Variants in TAAR5 observed in about 807,000 individuals in gnomAD.
TAAR5 encodes the protein trace amine associated receptor 5.
In TAAR5, 27 loss-of-function variants were observed where a neutral mutation model predicts 21.1. That is an observed-to-expected ratio of 1.28 (90% CI 0.94 to 1.76). TAAR5 has a LOEUF of 1.76. Among genes scored for constraint, TAAR5 ranks in the 40% most tolerant of loss-of-function variants. The pLI is 0.00. For missense variants in TAAR5, 495 were observed against 405.6 expected (o/e 1.22, Z -1.89); for synonymous variants, 203 against 167.5 (o/e 1.21, Z -1.64).
the TAAR5 span, among the ~76,000 whole-genome samples, chr6:132,601,108 G>GGAGAGA: frequency 2.5e-5 from 1 of 40,040 alleles, no homozygotes; most frequent in African/African-American, 2.2e-4. Flanking sequence ...AAGGAGGGAA[G>GGAGAGA]AAGGGAAGGA....
At chr6:132,594,967 C>T in the TAAR5 span, 1 of 152,214 alleles carries the variant, frequency 6.6e-6, no homozygotes, top group African/African-American at 2.4e-5. Context: ...AATGGACCAA[C>T]TGATGAGTAG....
chr6:132,613,093 C>T, the TAAR5 span, among the ~76,000 whole-genome samples: 2 of 152,154 alleles, frequency 1.3e-5, no homozygotes, highest in African/African-American at 4.8e-5. Flanking sequence ...ACTTTCAGAA[C>T]TGGAGAAGTC....
In TAAR5 at chr6:132,588,698, C is replaced by A. The variant is rs145127866; in HGVS notation, c.989G>T (p.Arg330Leu). ...TCATTCTTGGTACAAATCAACAGTG[C>A]GTGTCTGCGGTGAGAAGACCTTCTG... ...LSQKVFSPQT[R>L]TVDLYQE The change falls in exon 1 of 1, where the codon CGC (arginine) becomes CTC (leucine). Residue 330 changes from arginine (R) to leucine (L), a missense_variant. Transcript: ENST00000258034. 1 of 1,613,040 alleles carries A rather than the reference C, an allele frequency of 6.2e-7. No homozygotes were observed.
At chr6:132,594,688 CT>C (rs778253149), upstream of TAAR5, 11 of 150,630 alleles carry the variant, frequency 7.3e-5, no homozygotes, top group East Asian at 2.0e-4. Flanking sequence ...TAGAGGATGC[CT>C]TTTTTTTTGC....
Position 132,589,539 on chromosome 6 carries a change from G to C in TAAR5, c.148C>G (p.Leu50Val). Residue 50 changes from leucine to valine, a missense_variant, in exon 1 of 1, where the codon CTA (leucine) becomes GTA (valine). Transcript: ENST00000258034. Reference protein sequence around the residue: ...ACAAGMLIIVLGNVFVAFAVS... With the variant: ...ACAAGMLIIVVGNVFVAFAVS... ...GCAAATGCCACAAATACATTCCCTAGCACGATAATCAGCATGCCTGCTGCA... is the reference window on the plus strand; with the variant it reads ...GCAAATGCCACAAATACATTCCCTACCACGATAATCAGCATGCCTGCTGCA... 6.2e-7 allele frequency: 1 copy of C among 1,613,934 alleles called. No individual in the cohort carries two copies. The highest frequency in any genetic ancestry group is 1.1e-5 in the South Asian group (1 of 91,068).
In TAAR5 at chr6:132,589,571, A is replaced by T. The variant is rs111404356; in HGVS notation, c.116T>A (p.Leu39Gln). The T allele has an allele frequency of 6.2e-7, 1 of 1,614,034 alleles. No individual in the cohort carries two copies. The highest frequency in any genetic ancestry group is 8.5e-7 in the Non-Finnish European group (1 of 1,179,972). The change falls in exon 1 of 1, where the codon CTG becomes CAG. Residue 39 changes from leucine (L) to glutamine (Q), a missense_variant. Physicochemically the swap from Leu to Gln is moderately radical, Grantham distance 113. Transcript: ENST00000258034. ...HTLGIQLVIY[L>Q]ACAAGMLIIV... ...AATCAGCATGCCTGCTGCACAGGCCAGGTAGATGACCAACTGGATGCCCAG... is the reference window on the plus strand; with the variant it reads ...AATCAGCATGCCTGCTGCACAGGCCTGGTAGATGACCAACTGGATGCCCAG...
At chr6:132,600,803 A>AGGAAGGAAGGAAGGAGGGAG in the TAAR5 span, among the ~76,000 whole-genome samples, 30 of 112,770 alleles carry the variant, frequency 2.7e-4, no homozygotes, top group Non-Finnish European at 3.9e-4. Flanking sequence ...GAGGGGAGGA[A>AGGAAGGAAGGAAGGAGGGAG]GGAAGGAAGG....
In TAAR5 at chr6:132,589,099, G is replaced by A; in HGVS notation, c.588C>T (p.Leu196=). Residue 196 remains leucine, a synonymous_variant, in exon 1 of 1, where the codon CTC becomes CTT. Transcript: ENST00000258034. ...AGTTTAACCAGCCCCAAAATTTATTGAGCAGCAGCTGGCAACTGCCCACAC... is the reference window on the plus strand; with the variant it reads ...AGTTTAACCAGCCCCAAAATTTATTAAGCAGCAGCTGGCAACTGCCCACAC... The part of the protein sequence containing the change: ...MPCVGSCQLL[L]NKFWGWLNFP... 5 of 1,614,022 alleles carry A rather than the reference G, an allele frequency of 3.1e-6. No homozygotes were observed. The highest frequency in any genetic ancestry group is 4.2e-6 in the Non-Finnish European group (5 of 1,179,952).
chr6:132,599,549 G>T, the TAAR5 span, among the ~76,000 whole-genome samples: 2 of 151,872 alleles, frequency 1.3e-5, no homozygotes, highest in Admixed American at 1.3e-4. Flanking sequence ...GGCTGGTCTC[G>T]AACTCCTAAC....
At chr6:132,613,966 A>G in the TAAR5 span, among the ~76,000 whole-genome samples, 1 of 152,232 alleles carries the variant, frequency 6.6e-6, no homozygotes, top group Non-Finnish European at 1.5e-5. Context: ...GTACAAGCAT[A>G]TAAATAAATG....
chr6:132,601,107 AG>A, the TAAR5 span, among the ~76,000 whole-genome samples: 3 of 125,434 alleles, frequency 2.4e-5, no homozygotes, highest in Admixed American at 7.6e-5. Flanking sequence ...GAAGGAGGGA[AG>A]AAGGGAAGGA....
At chr6:132,608,847 C>A in the TAAR5 span, 5 of 455,746 alleles carry the variant, frequency 1.1e-5, no homozygotes, top group Non-Finnish European at 2.2e-5. Context: ...TGGTGGAGTT[C>A]GTCATTTTGG....
At chr6:132,591,313 A>T (rs1341280830), upstream of TAAR5, among the ~76,000 whole-genome samples, 3 of 152,216 alleles carry the variant, frequency 2.0e-5, no homozygotes, top group African/African-American at 7.2e-5. Context: ...TCACAGTATC[A>T]GTCAAACTAA....
the TAAR5 span, among the ~76,000 whole-genome samples, chr6:132,596,498 G>T: frequency 6.6e-6 from 1 of 152,040 alleles, no homozygotes; most frequent in Non-Finnish European, 1.5e-5. Context: ...AATTGAAAAA[G>T]ACATTAATAA....
chr6:132,598,975 A>G, the TAAR5 span, among the ~76,000 whole-genome samples: 3 of 152,180 alleles, frequency 2.0e-5, no homozygotes, highest in Non-Finnish European at 2.9e-5. Context: ...TGAATTCTTT[A>G]ATCTCTAGTG....
At chr6:132,611,044 A>C in the TAAR5 span, among the ~76,000 whole-genome samples, 9 of 152,230 alleles carry the variant, frequency 5.9e-5, no homozygotes, top group Non-Finnish European at 1.0e-4. Context: ...TGGTACTTGC[A>C]GTCCTGGGAC....
chr6:132,593,661 TAC>T (rs1220758841), upstream of TAAR5, among the ~76,000 whole-genome samples: 4 of 152,154 alleles, frequency 2.6e-5, no homozygotes, highest in African/African-American at 9.7e-5. Flanking sequence ...TGAATATATG[TAC>T]ACACATGAAA....
the TAAR5 span, among the ~76,000 whole-genome samples, chr6:132,610,913 C>A: frequency 2.4e-4 from 36 of 152,080 alleles, no homozygotes; most frequent in African/African-American, 8.2e-4. Flanking sequence ...TCATTCGTAA[C>A]AGAAAGTTGG....
chr6:132,607,916 C>A, the TAAR5 span, among the ~76,000 whole-genome samples: 9 of 152,138 alleles, frequency 5.9e-5, no homozygotes, highest in Non-Finnish European at 4.4e-5. Context: ...TTAAAAAATT[C>A]TTATATTGCT....
Sources: gnomAD v4.1 joint callset for allele counts (sites outside exome capture counted in the v4.1 genomes callset) on GRCh38, gnomAD v4.1.1 for gene constraint, MANE v1.5 for transcripts, NCBI Gene and HGNC (gene_info 2026-07-23, HGNC 2026-07-21) for gene names.